MATN2: variants seen among roughly 807,000 people sequenced by gnomAD.
MATN2 encodes the protein matrilin 2, also known as matrilin-2.
Under a neutral mutation model 103.2 loss-of-function variants are expected in MATN2, and 69 were observed. That is an observed-to-expected ratio of 0.67 (90% CI 0.55 to 0.82). MATN2 has a LOEUF of 0.82. MATN2 is among the 40% of genes least tolerant of loss of function. MATN2 has a pLI of 0.00. For synonymous variants in MATN2, 429 were observed against 450.2 expected (o/e 0.95, Z 0.60); for missense variants, 1,023 against 1,211.5 (o/e 0.84, Z 2.31).
chr8:97,938,773 G>T (rs571034095), intron 3 of MATN2, among the ~76,000 whole-genome samples: 1 of 152,300 alleles, frequency 6.6e-6, no homozygotes, highest in Admixed American at 6.5e-5. Flanking sequence ...ATTCCTGATG[G>T]AATATAGGGT....
intron 1 of MATN2, among the ~76,000 whole-genome samples, chr8:97,878,132 T>C (rs991628636): frequency 5.3e-5 from 8 of 152,238 alleles, no homozygotes; most frequent in Non-Finnish European, 1.0e-4. Flanking sequence ...AATTAACACA[T>C]TATTTTATAA....
At chr8:97,990,452 G>T (rs934330804) in intron 6 of MATN2, among the ~76,000 whole-genome samples, 1 of 152,134 alleles carries the variant, frequency 6.6e-6, no homozygotes, top group African/African-American at 2.4e-5. Flanking sequence ...AAGCATACAT[G>T]TCCCATATGA....
At chr8:98,033,490 C>A in intron 17 of MATN2, 71 bp from the exon 18 acceptor site, 1 of 797,648 alleles carries the variant, frequency 1.3e-6, no homozygotes, top group South Asian at 1.9e-5. Flanking sequence ...TATGCTGATT[C>A]ATTCCTATTA....
intron 7 of MATN2, among the ~76,000 whole-genome samples, chr8:97,995,016 C>G (rs1022702358): frequency 6.6e-6 from 1 of 152,234 alleles, no homozygotes; most frequent in Admixed American, 6.5e-5. Context: ...AGCTTTATTC[C>G]CTTTGATAGG....
At chr8:97,900,329 C>A (rs1238277396) in intron 2 of MATN2, among the ~76,000 whole-genome samples, 1 of 152,212 alleles carries the variant, frequency 6.6e-6, no homozygotes, top group Non-Finnish European at 1.5e-5. Flanking sequence ...CAGGCAGGAT[C>A]TTTGGGAGAA....
intron 12 of MATN2, among the ~76,000 whole-genome samples, chr8:98,019,971 G>C (rs1458262189): frequency 2.6e-5 from 4 of 152,158 alleles, no homozygotes; most frequent in African/African-American, 7.2e-5. Flanking sequence ...CCTTTAGCAA[G>C]AAGTTCTGTG....
Position 97,931,941 on chromosome 8 carries a change from G to A in MATN2, c.712+419G>A, listed in dbSNP as rs544100189. Among the ~76,000 whole-genome samples the A allele has an allele frequency of 4.3e-4, 65 of 152,274 alleles. No homozygotes were observed. The highest frequency in any genetic ancestry group is 6.5e-4 in the Non-Finnish European group (44 of 68,022). ...TGATCTGAAACTCCTGGCTTCAAGC[G>A]ATCCTCCTGCCTCAACCTCCCAAAG... On this transcript the variant is annotated intron_variant, in intron 3 of 18. Coordinates refer to ENST00000254898, the MANE Select transcript of MATN2 (RefSeq NM_002380.5). This position sits in a 1 kb window ranked among gnomAD's most constrained non-coding sequence, Gnocchi z 4.1.
intron 2 of MATN2, among the ~76,000 whole-genome samples, chr8:97,898,536 G>T (rs1208894770): frequency 6.6e-6 from 1 of 151,142 alleles, no homozygotes; most frequent in Admixed American, 6.6e-5. Flanking sequence ...GGCGGAGGTT[G>T]CAGTGAGCTG....
intron 5 of MATN2, among the ~76,000 whole-genome samples, chr8:97,976,651 C>CT (rs1361142947): frequency 1.3e-5 from 2 of 151,638 alleles, no homozygotes; most frequent in African/African-American, 2.4e-5. Flanking sequence ...GTAGGGAGTA[C>CT]TTTTTTTTGA....
rs1813007959 is a variant in MATN2 at position 98,007,328 on chromosome 8, G to T, written c.1450+101G>T. 5 of 1,572,384 alleles carry T rather than the reference G, an allele frequency of 3.2e-6. No individual in the cohort carries two copies. Among genetic ancestry groups the T allele is most frequent in the Non-Finnish European group, 4.3e-6 (5 of 1,150,870 alleles). On this transcript the variant is annotated intron_variant, in intron 9 of 18. Transcript: ENST00000254898. The surrounding 1 kb of genome is among the most constrained non-coding windows in gnomAD (Gnocchi z 4.2). The stretch of plus-strand genomic sequence containing the variant: ...GGTTGTACTTGGGCACCCCTCCCCT[G>T]CCCCTTGCTCTGCTCCAGGAGATAG...
intron 2 of MATN2, among the ~76,000 whole-genome samples, chr8:97,889,046 C>T (rs1282638973): frequency 6.6e-6 from 1 of 152,142 alleles, no homozygotes; most frequent in Non-Finnish European, 1.5e-5. Flanking sequence ...TACATACATT[C>T]TAGGTACTCA....
intron 6 of MATN2, among the ~76,000 whole-genome samples, chr8:97,980,698 G>C (rs1811991949): frequency 6.6e-6 from 1 of 151,310 alleles, no homozygotes; most frequent in Admixed American, 6.6e-5. Context: ...CCAAGTGGCT[G>C]AGACTACAGG....
chr8:97,931,468 G>T lies in MATN2; in HGVS notation c.658G>T (p.Ala220Ser). Residue 220 changes from alanine to serine, a missense_variant, in exon 3 of 19, where the codon GCC becomes TCC. By Grantham distance (99) the Ala-to-Ser change is moderately conservative. Transcript: ENST00000254898. This position sits in a 1 kb window ranked among gnomAD's most constrained non-coding sequence, Gnocchi z 4.1. Reference protein sequence around the residue: ...EPHEDHVFLVANFSQIETLTS... With the variant: ...EPHEDHVFLVSNFSQIETLTS... The stretch of plus-strand genomic sequence containing the variant: ...CCATGAGGACCATGTCTTCCTTGTG[G>T]CCAATTTCAGCCAGATTGAGACGCT... 6.2e-7 allele frequency: 1 copy of T among 1,613,304 alleles called. No homozygotes were observed. The highest frequency in any genetic ancestry group is 1.1e-5 in the South Asian group (1 of 91,000).
intron 6 of MATN2, among the ~76,000 whole-genome samples, chr8:97,988,211 C>T (rs1438941516): frequency 9.1e-6 from 1 of 109,920 alleles, no homozygotes; most frequent in Admixed American, 8.6e-5. Flanking sequence ...CATATGTATA[C>T]ACACATACAT....
intron 6 of MATN2, among the ~76,000 whole-genome samples, chr8:97,979,969 G>A (rs72677098): frequency 0.093 from 14,091 of 152,218 alleles, 920 homozygotes; most frequent in Admixed American, 0.19. Flanking sequence ...CACCAGAGCT[G>A]GAGGTTTGGG....
At chr8:97,997,968 C>T (rs186059410) in intron 7 of MATN2, among the ~76,000 whole-genome samples, 3 of 151,718 alleles carry the variant, frequency 2.0e-5, no homozygotes, top group East Asian at 4.0e-4. Context: ...TACAGGCGTG[C>T]ACCATCATGC....
At chr8:97,889,489 A>ATATATATATATATATATATATATAT (rs1408329205) in intron 2 of MATN2, among the ~76,000 whole-genome samples, 79 of 143,682 alleles carry the variant, frequency 5.5e-4, no homozygotes, top group Middle Eastern at 3.5e-3. Flanking sequence ...ATATATATAT[A>ATATATATATATATATATATATATAT]AAACTGATGA....
intron 2 of MATN2, among the ~76,000 whole-genome samples, chr8:97,929,107 G>A (rs1810093663): frequency 1.3e-5 from 2 of 152,122 alleles, no homozygotes; most frequent in East Asian, 1.9e-4. Flanking sequence ...ATGTCAGAAC[G>A]TTGGTTTCTT....
intron 2 of MATN2, among the ~76,000 whole-genome samples, chr8:97,922,257 G>A (rs900996459): frequency 3.9e-5 from 6 of 152,060 alleles, no homozygotes; most frequent in Admixed American, 1.3e-4. Flanking sequence ...CCGCTTTCAC[G>A]GTTTTATGAG....
Sources: gnomAD v4.1 joint callset for allele counts (sites outside exome capture counted in the v4.1 genomes callset) on GRCh38, gnomAD v4.1.1 for gene constraint, Gnocchi (gnomAD v3.1) non-coding constraint, MANE v1.5 for transcripts, NCBI Gene and HGNC (gene_info 2026-07-23, HGNC 2026-07-21) for gene names.